ROBO2: variants seen among roughly 807,000 people sequenced by gnomAD.
ROBO2 encodes roundabout guidance receptor 2.
Under a neutral mutation model 160.8 loss-of-function variants are expected in ROBO2, and 53 were observed. The ratio of observed to expected loss-of-function variants is 0.33; its 90% CI spans 0.26 to 0.41. The LOEUF (loss-of-function observed/expected upper bound fraction) is 0.41. ROBO2 is among the 10% of genes least tolerant of loss of function. ROBO2 has a pLI of 1.00. For synonymous variants in ROBO2, 664 were observed against 611.7 expected (o/e 1.09, Z -1.26); for missense variants, 1,577 against 1,722.4 (o/e 0.92, Z 1.49).
chr3:76,365,004 G>A (rs1223825164), intron 2 of ROBO2, among the ~76,000 whole-genome samples: 3 of 151,992 alleles, frequency 2.0e-5, no homozygotes, highest in African/African-American at 7.2e-5. Flanking sequence ...ATGCCACTCT[G>A]TTTTCTTTGT....
At chr3:77,540,581 C>T (rs1284171632) in intron 6 of ROBO2, among the ~76,000 whole-genome samples, 3 of 150,218 alleles carry the variant, frequency 2.0e-5, no homozygotes, top group African/African-American at 4.9e-5. Flanking sequence ...GCAGTGGGGG[C>T]GCGCAGGGGG....
intron 2 of ROBO2, among the ~76,000 whole-genome samples, chr3:76,155,324 T>TGATG (rs2072365283): frequency 6.6e-6 from 1 of 152,134 alleles, no homozygotes; most frequent in Admixed American, 6.5e-5. Context: ...CTGATCCTGT[T>TGATG]GATGGATCCA....
At chr3:76,204,127 C>T (rs919147712) in intron 2 of ROBO2, among the ~76,000 whole-genome samples, 1 of 152,096 alleles carries the variant, frequency 6.6e-6, no homozygotes, top group Non-Finnish European at 1.5e-5. Flanking sequence ...TTAAACTGCA[C>T]CCATTTGTTA....
intron 2 of ROBO2, among the ~76,000 whole-genome samples, chr3:77,139,226 A>T (rs895060813): frequency 1.3e-4 from 20 of 151,994 alleles, no homozygotes; most frequent in Non-Finnish European, 2.2e-4. Flanking sequence ...TTCCCTGATT[A>T]AAAAAAATTG....
chr3:76,145,728 A>G (rs1178984831), intron 2 of ROBO2, among the ~76,000 whole-genome samples: 1 of 152,018 alleles, frequency 6.6e-6, no homozygotes, highest in Non-Finnish European at 1.5e-5. Flanking sequence ...AGAAGTTTAC[A>G]TTTCTTCTAA....
At chr3:76,451,172 A>C (rs1187062793) in intron 2 of ROBO2, among the ~76,000 whole-genome samples, 1 of 152,156 alleles carries the variant, frequency 6.6e-6, no homozygotes, top group Non-Finnish European at 1.5e-5. Context: ...CAGGTCTGTC[A>C]TGTGGGCTAG....
At chr3:77,358,323 CT>C (rs2069424991) in intron 2 of ROBO2, among the ~76,000 whole-genome samples, 1 of 152,106 alleles carries the variant, frequency 6.6e-6, no homozygotes, top group African/African-American at 2.4e-5. Context: ...CTCATTCTTT[CT>C]TTGTTTCTTT....
At chr3:76,885,598 A>G (rs1220223917) in intron 2 of ROBO2, among the ~76,000 whole-genome samples, 3 of 152,180 alleles carry the variant, frequency 2.0e-5, no homozygotes, top group Non-Finnish European at 4.4e-5. Context: ...TGCATTGCCC[A>G]TAATTAACCC....
intron 2 of ROBO2, among the ~76,000 whole-genome samples, chr3:76,147,469 ATG>A (rs2071957915): frequency 6.6e-6 from 1 of 151,944 alleles, no homozygotes. Context: ...AAGTGTAACT[ATG>A]TCTTTATTTA....
At chr3:77,457,399 T>C (rs1016432199) in intron 2 of ROBO2, among the ~76,000 whole-genome samples, 1 of 152,190 alleles carries the variant, frequency 6.6e-6, no homozygotes, top group Non-Finnish European at 1.5e-5. Flanking sequence ...CAATAACATT[T>C]GCTTAGTGTA....
chr3:77,448,317 C>T (rs182309273), intron 2 of ROBO2, among the ~76,000 whole-genome samples: 1 of 152,146 alleles, frequency 6.6e-6, no homozygotes, highest in African/African-American at 2.4e-5. Flanking sequence ...ATATAGCTGC[C>T]CCAGTGACCA....
chr3:77,369,169 A>G (rs1232794657), intron 2 of ROBO2, among the ~76,000 whole-genome samples: 1 of 152,148 alleles, frequency 6.6e-6, no homozygotes, highest in Non-Finnish European at 1.5e-5. Context: ...AAGCAGGTGA[A>G]GTGCCCGGGG....
intron 2 of ROBO2, among the ~76,000 whole-genome samples, chr3:76,450,104 G>C (rs2077402938): frequency 6.6e-6 from 1 of 152,128 alleles, no homozygotes; most frequent in African/African-American, 2.4e-5. Flanking sequence ...TTTGGAAGAA[G>C]AGTAGGTAGT....
At chr3:76,056,403 C>A (rs9824142) in intron 2 of ROBO2, among the ~76,000 whole-genome samples, 4 of 151,606 alleles carry the variant, frequency 2.6e-5, no homozygotes, top group African/African-American at 7.3e-5. Flanking sequence ...CTTTAAATTG[C>A]GTGATATTTT....
intron 2 of ROBO2, among the ~76,000 whole-genome samples, chr3:76,451,722 A>G (rs1167586613): frequency 6.6e-6 from 1 of 152,194 alleles, no homozygotes; most frequent in Non-Finnish European, 1.5e-5. Context: ...TGTTAGATTC[A>G]ATCCGTATTC....
At chr3:76,304,158 C>T (rs978533842) in intron 2 of ROBO2, among the ~76,000 whole-genome samples, 4 of 152,116 alleles carry the variant, frequency 2.6e-5, no homozygotes, top group African/African-American at 9.7e-5. Context: ...GGAAACAAAA[C>T]TGATATATAT....
At chr3:76,259,181 T>G (rs1332442673) in intron 2 of ROBO2, among the ~76,000 whole-genome samples, 1 of 152,114 alleles carries the variant, frequency 6.6e-6, no homozygotes, top group Non-Finnish European at 1.5e-5. Flanking sequence ...TTTTTAAATA[T>G]ATTCTTATTT....
chr3:76,836,463 A>T (rs1371615616), intron 2 of ROBO2, among the ~76,000 whole-genome samples: 2 of 151,364 alleles, frequency 1.3e-5, no homozygotes, highest in African/African-American at 4.8e-5. Flanking sequence ...TCTTGAATTA[A>T]AAAAAGACTT....
At chr3:77,634,156 A>T (rs191308570) in intron 23 of ROBO2, 4 of 152,346 alleles carry the variant, frequency 2.6e-5, no homozygotes, top group African/African-American at 9.6e-5. Context: ...CTAAACCACA[A>T]GAAAAGGACA....
Sources: gnomAD v4.1 joint callset for allele counts (sites outside exome capture counted in the v4.1 genomes callset) on GRCh38, gnomAD v4.1.1 for gene constraint, MANE v1.5 for transcripts, NCBI Gene and HGNC (gene_info 2026-07-23, HGNC 2026-07-21) for gene names.